The following GRIN2A variants were observed in gnomAD, a reference collection of about 807,000 sequenced individuals.
GRIN2A encodes the protein glutamate receptor ionotropic, NMDA 2A.
Under a neutral mutation model 113.4 loss-of-function variants are expected in GRIN2A, and 22 were observed. The ratio of observed to expected loss-of-function variants is 0.19; its 90% CI spans 0.14 to 0.28. The LOEUF is 0.28. Ranked by LOEUF, GRIN2A falls within the 10% of genes least tolerant of loss-of-function variation. The pLI is 1.00. For synonymous variants in GRIN2A, 827 were observed against 738.4 expected, an observed-to-expected ratio of 1.12 and a Z score of -1.94; for missense variants, 1,502 against 1,887.0, an observed-to-expected ratio of 0.80 and a Z score of 3.78.
intron 4 of GRIN2A, among the ~76,000 whole-genome samples, chr16:9,878,391 CTAAGCACCTGATA>C (rs2043413500): frequency 6.6e-6 from 1 of 152,210 alleles, no homozygotes; most frequent in East Asian, 1.9e-4. Context: ...TGTCAGTGTT[CTAAGCACCTGATA>C]TATCACCTTG....
At chr16:9,914,181 A>G (rs548363094) in intron 3 of GRIN2A, among the ~76,000 whole-genome samples, 1 of 152,262 alleles carries the variant, frequency 6.6e-6, no homozygotes, top group South Asian at 2.1e-4. Flanking sequence ...AAGAGTCAAA[A>G]TGCCAAGTCA....
intron 2 of GRIN2A, among the ~76,000 whole-genome samples, chr16:10,104,984 T>C (rs1250088864): frequency 6.6e-6 from 1 of 152,158 alleles, no homozygotes; most frequent in Non-Finnish European, 1.5e-5. Context: ...AGGCATAAAA[T>C]AAAAGAAGCC....
intron 2 of GRIN2A, among the ~76,000 whole-genome samples, chr16:10,145,841 A>G (rs1410963375): frequency 6.6e-6 from 1 of 152,248 alleles, no homozygotes; most frequent in African/African-American, 2.4e-5. Context: ...AACTTTATTT[A>G]CAAAGACAGG....
chr16:10,108,644 G>C (rs1393252426), intron 2 of GRIN2A, among the ~76,000 whole-genome samples: 1 of 152,088 alleles, frequency 6.6e-6, no homozygotes, highest in Non-Finnish European at 1.5e-5. Flanking sequence ...GATGTAGCCG[G>C]GGTTAAAGCT....
At chr16:9,923,068 T>A (rs1335773944) in intron 3 of GRIN2A, among the ~76,000 whole-genome samples, 1 of 152,162 alleles carries the variant, frequency 6.6e-6, no homozygotes, top group Non-Finnish European at 1.5e-5. Flanking sequence ...TTATTAAGAG[T>A]ATTGAAATCT....
At chr16:10,011,279 A>T (rs943780641) in intron 2 of GRIN2A, among the ~76,000 whole-genome samples, 22 of 152,212 alleles carry the variant, frequency 1.4e-4, no homozygotes, top group African/African-American at 4.8e-4. Flanking sequence ...ATTTGGAGAT[A>T]AGTGGAGACA....
chr16:10,054,771 G>A (rs13335102), intron 2 of GRIN2A, among the ~76,000 whole-genome samples: 1 of 151,978 alleles, frequency 6.6e-6, no homozygotes, highest in Non-Finnish European at 1.5e-5. Context: ...ATTTGGGCCA[G>A]GCGCAGTGGC....
intron 2 of GRIN2A, among the ~76,000 whole-genome samples, chr16:9,981,659 C>T (rs1190848457): frequency 6.6e-6 from 1 of 152,130 alleles, no homozygotes; most frequent in Non-Finnish European, 1.5e-5. Context: ...TCAAAATTTA[C>T]CTTAATCCTT....
At chr16:9,934,813 C>T (rs549128809) in intron 3 of GRIN2A, among the ~76,000 whole-genome samples, 2 of 150,306 alleles carry the variant, frequency 1.3e-5, no homozygotes, top group South Asian at 2.1e-4. Flanking sequence ...CTGGGGTGGG[C>T]GTCAGGGACC....
At chr16:10,078,788 C>G (rs115503752) in intron 2 of GRIN2A, among the ~76,000 whole-genome samples, 1,686 of 152,304 alleles carry the variant, frequency 0.011, 39 homozygotes, top group African/African-American at 0.039. Context: ...ACCACTACCC[C>G]CTCCGAAGCC....
intron 2 of GRIN2A, among the ~76,000 whole-genome samples, chr16:10,163,907 G>T (rs2049855506): frequency 6.6e-6 from 1 of 152,184 alleles, no homozygotes; most frequent in Non-Finnish European, 1.5e-5. Flanking sequence ...AATCAGACTG[G>T]TGGGAAAAAT....
chr16:10,167,431 G>C (rs2049947638), intron 2 of GRIN2A, among the ~76,000 whole-genome samples: 1 of 152,032 alleles, frequency 6.6e-6, no homozygotes, highest in Non-Finnish European at 1.5e-5. Context: ...TCACTGTTAG[G>C]GACCAATGGA....
At chr16:10,149,051 C>A (rs1340056099) in intron 2 of GRIN2A, among the ~76,000 whole-genome samples, 1 of 152,114 alleles carries the variant, frequency 6.6e-6, no homozygotes, top group African/African-American at 2.4e-5. Context: ...GAGAGTAGTG[C>A]AATGGTTACC....
intron 10 of GRIN2A, among the ~76,000 whole-genome samples, chr16:9,817,214 T>G (rs1418845883): frequency 2.0e-5 from 3 of 152,240 alleles, no homozygotes; most frequent in Non-Finnish European, 4.4e-5. Context: ...AAAATAGTAG[T>G]TCTCAGCTCT....
At chr16:10,017,962 T>G (rs1795106417) in intron 2 of GRIN2A, among the ~76,000 whole-genome samples, 1 of 152,218 alleles carries the variant, frequency 6.6e-6, no homozygotes, top group Non-Finnish European at 1.5e-5. Flanking sequence ...TCTAAAATAT[T>G]GCACTGAAAT....
intron 2 of GRIN2A, among the ~76,000 whole-genome samples, chr16:10,094,909 G>C (rs1254825222): frequency 6.9e-6 from 1 of 144,964 alleles, no homozygotes; most frequent in Non-Finnish European, 1.5e-5. Flanking sequence ...AAAAAAATGA[G>C]GACTTCTAGG....
At chr16:9,773,145 C>T (rs989782208) in intron 11 of GRIN2A, among the ~76,000 whole-genome samples, 2 of 152,134 alleles carry the variant, frequency 1.3e-5, no homozygotes, top group African/African-American at 2.4e-5. Context: ...TGATATTTTT[C>T]GTGGCCTGCA....
chr16:10,135,290 GTAAT>G (rs2049168458), intron 2 of GRIN2A, among the ~76,000 whole-genome samples: 1 of 152,076 alleles, frequency 6.6e-6, no homozygotes. Context: ...GCCCTCCCTG[GTAAT>G]GCTTTTAACG....
chr16:10,086,605 CA>C (rs3033377), intron 2 of GRIN2A, among the ~76,000 whole-genome samples: 14,475 of 98,820 alleles, frequency 0.15, 502 homozygotes, highest in Admixed American at 0.16. Flanking sequence ...GGAGCAGCTC[CA>C]AAAAAAAAAA....
Sources: gnomAD v4.1 joint callset for allele counts (sites outside exome capture counted in the v4.1 genomes callset) on GRCh38, gnomAD v4.1.1 for gene constraint, MANE v1.5 for transcripts, NCBI Gene and HGNC (gene_info 2026-07-23, HGNC 2026-07-21) for gene names.